Variants in PLXNA1 observed in about 807,000 individuals in gnomAD.
PLXNA1 encodes the protein plexin A1, also known as plexin-A1.
A neutral mutation model predicts 191.7 loss-of-function variants in PLXNA1; 77 were observed. The ratio of observed to expected loss-of-function variants is 0.40; its 90% confidence interval spans 0.33 to 0.49. The LOEUF is 0.49. Ranked by LOEUF, PLXNA1 falls within the 20% of genes least tolerant of loss-of-function variation. The pLI, the probability that PLXNA1 is intolerant of heterozygous loss-of-function variation, is 0.63. For synonymous variants in PLXNA1, 1,137 were observed against 1,156.4 expected (o/e 0.98, Z 0.34); for missense variants, 2,110 against 2,660.2 (o/e 0.79, Z 4.55).
At chr3:127,029,347 AG>A in intron 26 of PLXNA1, 92 bp from the exon 27 acceptor site, 1 of 1,183,472 alleles carries the variant, frequency 8.4e-7, no homozygotes, top group Middle Eastern at 1.9e-4. Flanking sequence ...GCACAGCACT[AG>A]GGTGTCACCG....
chr3:127,024,483 C>A (rs747308991), intron 23 of PLXNA1, among the ~76,000 whole-genome samples: 23 of 152,018 alleles, frequency 1.5e-4, no homozygotes, highest in Non-Finnish European at 2.4e-4. Flanking sequence ...CCAAGGGAGC[C>A]ATAGGAAGGG....
chr3:127,013,369 A>G (rs1214752234), intron 10 of PLXNA1, among the ~76,000 whole-genome samples: 1 of 152,144 alleles, frequency 6.6e-6, no homozygotes, highest in Non-Finnish European at 1.5e-5. Context: ...AGATAAAATA[A>G]TGATGAATTG....
At chr3:127,002,098 G>A (rs2079043712) in intron 3 of PLXNA1, among the ~76,000 whole-genome samples, 1 of 152,236 alleles carries the variant, frequency 6.6e-6, no homozygotes, top group Non-Finnish European at 1.5e-5. Context: ...CAGGGGTGCT[G>A]GGCGGCCGTG....
At chr3:127,017,193 C>T (rs1455722725) in intron 17 of PLXNA1, among the ~76,000 whole-genome samples, 156 bp downstream of exon 17, 1 of 152,234 alleles carries the variant, frequency 6.6e-6, no homozygotes, top group African/African-American at 2.4e-5. Context: ...GGGGAGGCAC[C>T]TGTCCTGCCT....
chr3:127,034,852 C>T lies in PLXNA1; in HGVS notation c.*835C>T, dbSNP rs2079232215. On this transcript the variant is annotated 3_prime_UTR_variant, in exon 32 of 32. Coordinates refer to ENST00000393409, the MANE Select transcript of PLXNA1 (RefSeq NM_032242.4). Reference sequence around the variant, plus strand: ...GTTATTTATTCCCCTCCGCGTCCTACACAGGCTGCCCTGGCAGCTGTCTTC... The same window carrying T: ...GTTATTTATTCCCCTCCGCGTCCTATACAGGCTGCCCTGGCAGCTGTCTTC... 1 of 152,732 alleles carries T rather than the reference C, an allele frequency of 6.5e-6. No homozygotes were observed. Among genetic ancestry groups the T allele is most frequent in the South Asian group, 2.1e-4 (1 of 4,832 alleles). 9.5% of individuals were successfully genotyped at this position (152,732 alleles called of 1,614,324 possible). A position where few individuals can be genotyped will look rare whatever the true frequency, so the allele number is the denominator to read the frequency against.
intron 31 of PLXNA1, 83 bp from the exon 32 acceptor site, chr3:127,033,839 T>C: frequency 8.3e-7 from 1 of 1,207,322 alleles, no homozygotes. Flanking sequence ...CTCTGGCACC[T>C]ACTCTGGAGG....
At chr3:127,016,817 C>G (rs1267207804) in intron 16 of PLXNA1, 127 bp from the exon 17 acceptor site, 1 of 1,385,332 alleles carries the variant, frequency 7.2e-7, no homozygotes, top group Non-Finnish European at 1.0e-6. Context: ...CACCCCTTGC[C>G]AAGAGCTTTT....
At chr3:127,002,450 C>T (rs1219395902) in intron 3 of PLXNA1, among the ~76,000 whole-genome samples, 1 of 152,238 alleles carries the variant, frequency 6.6e-6, no homozygotes, top group Non-Finnish European at 1.5e-5. Context: ...GGCCCTGCTG[C>T]CCTGGACCTG....
chr3:127,014,126 C>A lies in PLXNA1; in HGVS notation c.2410+10C>A. Reference sequence around the variant, plus strand: ...CCACAGAACATCCAGGGTGAGTGGGCGCCCCGGCGGGGTGGGCAGTGGGCG... The same window carrying A: ...CCACAGAACATCCAGGGTGAGTGGGAGCCCCGGCGGGGTGGGCAGTGGGCG... On this transcript the variant is annotated intron_variant, in intron 11 of 31. Transcript: ENST00000393409. The A allele has an allele frequency of 1.2e-6, 2 of 1,613,354 alleles. No homozygotes were observed. Among genetic ancestry groups the A allele is most frequent in the Non-Finnish European group, 1.7e-6 (2 of 1,179,726 alleles).
intron 3 of PLXNA1, among the ~76,000 whole-genome samples, chr3:126,994,135 CTG>C (rs1452268778): frequency 1.3e-5 from 2 of 152,106 alleles, no homozygotes; most frequent in Middle Eastern, 3.2e-3. Context: ...GGTGGGGAAA[CTG>C]AGTGCTCAAG....
chr3:127,002,686 A>G (rs1346353437), intron 3 of PLXNA1, among the ~76,000 whole-genome samples: 1 of 152,232 alleles, frequency 6.6e-6, no homozygotes, highest in Non-Finnish European at 1.5e-5. Flanking sequence ...TCTCTCTGTT[A>G]ATTAAATACA....
At chr3:127,016,474 T>C in intron 15 of PLXNA1, 43 bp from the exon 16 acceptor site, 5 of 1,599,246 alleles carry the variant, frequency 3.1e-6, no homozygotes, top group Non-Finnish European at 4.3e-6. Context: ...CCTGCCTGGG[T>C]TCCACCCGTG....
At chr3:126,993,694 G>A (rs2079002107) in intron 3 of PLXNA1, among the ~76,000 whole-genome samples, 1 of 152,236 alleles carries the variant, frequency 6.6e-6, no homozygotes, top group African/African-American at 2.4e-5. Context: ...GGTCAGCTGT[G>A]CCCAGGGGTT....
intron 31 of PLXNA1, among the ~76,000 whole-genome samples, chr3:127,033,443 C>A (rs2079222832): frequency 1.3e-5 from 2 of 152,288 alleles, no homozygotes; most frequent in African/African-American, 2.4e-5. Flanking sequence ...AGGCAAGGAA[C>A]CTTCCCCAGG....
chr3:127,013,150 C>T (rs779038198), intron 10 of PLXNA1, among the ~76,000 whole-genome samples: 9 of 152,184 alleles, frequency 5.9e-5, no homozygotes, highest in Admixed American at 2.0e-4. Context: ...TCACTCCTGG[C>T]CACCACAGCT....
rs1442259790 is a variant in PLXNA1, at chr3:126,989,744, C to T, written c.1151C>T (p.Ser384Phe). The part of the protein sequence containing the change: ...QSCYRGEGKL[S>F]LPWLLNKELG... ...TGCTACCGTGGTGAGGGCAAGCTCT[C>T]CCTGCCGTGGCTGCTCAACAAGGAG... is the stretch of plus-strand genomic sequence containing the variant. Residue 384 changes from serine (S) to phenylalanine (F), a missense_variant, in exon 2 of 32, where the codon TCC (serine) becomes TTC (phenylalanine). By Grantham distance (155) the Ser-to-Phe change is radical (BLOSUM62 -2). Coordinates refer to ENST00000393409, the MANE Select transcript of PLXNA1 (RefSeq NM_032242.4). 2 of 1,612,428 alleles carry T rather than the reference C, an allele frequency of 1.2e-6. No individual in the cohort carries two copies. Among genetic ancestry groups the T allele is most frequent in the East Asian group, 2.2e-5 (1 of 44,886 alleles).
At chr3:126,998,085 G>T (rs996179831) in intron 3 of PLXNA1, among the ~76,000 whole-genome samples, 1 of 152,208 alleles carries the variant, frequency 6.6e-6, no homozygotes, top group African/African-American at 2.4e-5. Context: ...GGGACTGGGT[G>T]GTCTGCTGGA....
intron 31 of PLXNA1, 118 bp downstream of exon 31, chr3:127,032,954 C>T: frequency 9.1e-7 from 1 of 1,100,176 alleles, no homozygotes. Flanking sequence ...CACTGACCAC[C>T]TTCACTCCTC....
At chr3:127,024,219 C>T (rs992417475) in intron 23 of PLXNA1, among the ~76,000 whole-genome samples, 6 of 152,176 alleles carry the variant, frequency 3.9e-5, no homozygotes, top group Non-Finnish European at 1.5e-5. Context: ...AGAGACAGGG[C>T]TCAGGGCAGC....
Sources: gnomAD v4.1 joint callset for allele counts (sites outside exome capture counted in the v4.1 genomes callset) on GRCh38, gnomAD v4.1.1 for gene constraint, MANE v1.5 for transcripts, NCBI Gene and HGNC (gene_info 2026-07-23, HGNC 2026-07-21) for gene names.